The following OTOGL variants were observed in gnomAD, a reference collection of about 807,000 sequenced individuals.
OTOGL encodes the protein otogelin like.
A neutral mutation model predicts 318.5 loss-of-function variants in OTOGL; 285 were observed. That is an observed-to-expected ratio of 0.89 (90% CI 0.81 to 0.99). The LOEUF (loss-of-function observed/expected upper bound fraction) is 0.99, where lower values mean the gene tolerates loss of function less well. Among genes scored for constraint, OTOGL ranks in the 50% least tolerant of loss-of-function variants. The pLI is 0.00. For synonymous variants in OTOGL, 987 were observed against 936.5 expected, an observed-to-expected ratio of 1.05 and a Z score of -0.99; for missense variants, 2,899 against 2,845.6, an observed-to-expected ratio of 1.02 and a Z score of -0.43.
intron 29 of OTOGL, among the ~76,000 whole-genome samples, chr12:80,308,644 G>A (rs1400949057): frequency 5.9e-5 from 9 of 152,166 alleles, no homozygotes; most frequent in African/African-American, 1.9e-4. Flanking sequence ...GTAGCGAGCC[G>A]AGATCAGGCC....
Position 80,266,434 on chromosome 12 carries a change from T to C in OTOGL, c.2225-17T>C, listed in dbSNP as rs1440686714. The C allele has an allele frequency of 6.2e-7, 1 of 1,612,406 alleles. No homozygotes were observed. Among genetic ancestry groups the C allele is most frequent in the Admixed American group, 1.7e-5 (1 of 59,830 alleles). ...TGCCATGGCAATCTTTCTCAAGTGA[T>C]ACTTCTTTGTCCTTAGCTGTGGTGT... On this transcript the variant is annotated splice_polypyrimidine_tract_variant and intron_variant, in intron 20 of 58. Coordinates refer to ENST00000547103, the MANE Select transcript of OTOGL (RefSeq NM_001378609.3).
At chr12:80,120,148 A>G (rs933308920) in intron 1 of OTOGL, among the ~76,000 whole-genome samples, 2 of 151,810 alleles carry the variant, frequency 1.3e-5, no homozygotes, top group Admixed American at 6.6e-5. Context: ...TCACCACAAC[A>G]TTTGGCCAAT....
chr12:80,251,618 G>T, intron 11 of OTOGL, 75 bp from the exon 12 acceptor site: 2 of 1,132,116 alleles, frequency 1.8e-6, no homozygotes, highest in South Asian at 2.9e-5. Context: ...AGCATTTCTA[G>T]GGATCAGGAC....
chr12:80,127,218 C>T (rs1239072892), intron 1 of OTOGL, among the ~76,000 whole-genome samples: 1 of 152,140 alleles, frequency 6.6e-6, no homozygotes, highest in Non-Finnish European at 1.5e-5. Context: ...CCTTCAGGAG[C>T]TCTTTTAGGG....
At position 80,367,574 on chromosome 12, in the gene OTOGL, G is replaced by A. The variant is rs1055930599; in HGVS notation, c.6345G>A (p.Val2115=). 5 of 1,530,478 alleles carry A rather than the reference G, an allele frequency of 3.3e-6. No homozygotes were observed. Among genetic ancestry groups the A allele is most frequent in the Non-Finnish European group, 4.4e-6 (5 of 1,127,250 alleles). 94.8% of individuals were successfully genotyped at this position (1,530,478 alleles called of 1,614,324 possible). A position where few individuals can be genotyped will look rare whatever the true frequency, so the allele number is the denominator to read the frequency against. ...TTCTGTTCTTAGAAAAGGATGATGTGTGTGTATTTCAAGAAGTATCAGTAT... is the reference window on the plus strand; with the variant it reads ...TTCTGTTCTTAGAAAAGGATGATGTATGTGTATTTCAAGAAGTATCAGTAT... The part of the protein sequence containing the change: ...CIQYLCEKDD[V]CVFQEVSVLN... The change falls in exon 54 of 59, where the codon GTG becomes GTA. Residue 2115 remains valine, a synonymous_variant. Coordinates refer to ENST00000547103, the MANE Select transcript of OTOGL (RefSeq NM_001378609.3).
At position 80,356,481 on chromosome 12, in the gene OTOGL, G is replaced by A. The variant is rs1424505604; in HGVS notation, c.5872G>A (p.Gly1958Ser). 2 of 1,611,650 alleles carry A rather than the reference G, an allele frequency of 1.2e-6. No homozygotes were observed. The highest frequency in any genetic ancestry group is 1.1e-5 in the South Asian group (1 of 90,866). ...TACAAATAGTCAAAAATTGATTGTTGGCCACAGTCCTCTTTCTTGCTGTCC... is the reference window on the plus strand; with the variant it reads ...TACAAATAGTCAAAAATTGATTGTTAGCCACAGTCCTCTTTCTTGCTGTCC... The part of the protein sequence containing the change: ...TCTNSQKLIV[G>S]HSPLSCCPQY... The change falls in exon 48 of 59, where the codon GGC (glycine) becomes AGC (serine). Residue 1958 changes from glycine (G) to serine (S), a missense_variant. Physicochemically the swap from Gly to Ser is moderately conservative, Grantham distance 56. Around this residue, in one of 3 missense-constraint regions of OTOGL, gnomAD observed 2,607 missense variants for 2,524.9 expected, o/e 1.03. Coordinates refer to ENST00000547103, the MANE Select transcript of OTOGL (RefSeq NM_001378609.3).
At chr12:80,150,418 C>T (rs1439315909) in intron 1 of OTOGL, among the ~76,000 whole-genome samples, 1 of 152,122 alleles carries the variant, frequency 6.6e-6, no homozygotes, top group South Asian at 2.1e-4. Flanking sequence ...AAAGGAAACT[C>T]CAGAGAGTTA....
intron 19 of OTOGL, 125 bp downstream of exon 19, chr12:80,262,218 A>G (rs1476224710): frequency 1.0e-6 from 1 of 988,770 alleles, no homozygotes; most frequent in Non-Finnish European, 1.3e-6. Context: ...AATCAATGCC[A>G]TTCCTCGTGT....
chr12:80,215,342 T>C (rs1181915378), intron 4 of OTOGL, among the ~76,000 whole-genome samples: 1 of 152,000 alleles, frequency 6.6e-6, no homozygotes, highest in Non-Finnish European at 1.5e-5. Flanking sequence ...ATTTTCTGTA[T>C]TTTTAGTAGA....
chr12:80,136,306 C>A (rs1293780015), intron 1 of OTOGL, among the ~76,000 whole-genome samples: 1 of 152,160 alleles, frequency 6.6e-6, no homozygotes, highest in African/African-American at 2.4e-5. Flanking sequence ...TGTTTCAATT[C>A]TTAGTCCTCA....
chr12:80,322,637 C>T (rs949642326), intron 34 of OTOGL, among the ~76,000 whole-genome samples: 12 of 152,264 alleles, frequency 7.9e-5, no homozygotes, highest in African/African-American at 2.4e-4. Context: ...AAGAGGTTCT[C>T]TTGTTCAGAG....
At chr12:80,356,209 A>G in intron 47 of OTOGL, 2 of 610,628 alleles carry the variant, frequency 3.3e-6, no homozygotes, top group South Asian at 2.1e-5. Context: ...GTGAAAGACA[A>G]TAATAGAAAA....
At position 80,232,880 on chromosome 12, in the gene OTOGL, C is replaced by G. The variant is rs1018796157; in HGVS notation, c.612-12C>G. ...TCATCATTCTTAGATAGCTTTTGTT[C>G]TGTTTTTCAAGTTTAACATTGCCTC... is the stretch of plus-strand genomic sequence containing the variant. On this transcript the variant is annotated splice_polypyrimidine_tract_variant and intron_variant, in intron 8 of 58. Transcript: ENST00000547103. 1.3e-6 allele frequency: 2 copies of G among 1,579,526 alleles called. No homozygotes were observed. Among genetic ancestry groups the G allele is most frequent in the African/African-American group, 2.7e-5 (2 of 74,420 alleles).
At chr12:80,310,262 C>A (rs973363805) in intron 29 of OTOGL, among the ~76,000 whole-genome samples, 7 of 152,048 alleles carry the variant, frequency 4.6e-5, no homozygotes, top group African/African-American at 1.7e-4. Context: ...GTGCATATAA[C>A]CTCTCAGATG....
In OTOGL at chr12:80,238,871, G is replaced by A. The variant is rs200599746; in HGVS notation, c.838G>A (p.Ala280Thr). The change falls in exon 10 of 59, where the codon GCT (alanine) becomes ACT (threonine). Residue 280 changes from alanine to threonine, a missense_variant. Physicochemically the swap from Ala to Thr is moderately conservative, Grantham distance 58. Coordinates refer to ENST00000547103, the MANE Select transcript of OTOGL (RefSeq NM_001378609.3). ...ILQEDYTEDI[A>T]MFANSWSVQT... Reference sequence around the variant, plus strand: ...AATAGAGGACTATACAGAAGACATCGCTATGTTTGCAAATAGTTGGTCGGT... The same window carrying A: ...AATAGAGGACTATACAGAAGACATCACTATGTTTGCAAATAGTTGGTCGGT... 1.2e-4 allele frequency: 193 copies of A among 1,556,640 alleles called. No homozygotes were observed. The highest frequency in any genetic ancestry group is 1.6e-4 in the Non-Finnish European group (183 of 1,156,952).
chr12:80,124,214 ATAAGGTG>A (rs1377846933), intron 1 of OTOGL, among the ~76,000 whole-genome samples: 1 of 152,156 alleles, frequency 6.6e-6, no homozygotes, highest in Non-Finnish European at 1.5e-5. Flanking sequence ...TAATTTTTGT[ATAAGGTG>A]TAAGGAAGGG....
intron 1 of OTOGL, among the ~76,000 whole-genome samples, chr12:80,105,319 G>C (rs980253621): frequency 9.9e-5 from 15 of 152,174 alleles, no homozygotes; most frequent in Non-Finnish European, 1.8e-4. Flanking sequence ...GGTATGGGTA[G>C]AAGGGAACCT....
intron 1 of OTOGL, among the ~76,000 whole-genome samples, chr12:80,136,146 C>A (rs994999473): frequency 1.3e-5 from 2 of 152,108 alleles, no homozygotes; most frequent in Non-Finnish European, 2.9e-5. Flanking sequence ...TCTGGACTTG[C>A]TTTTTTTGTG....
chr12:80,251,821 G>T, intron 12 of OTOGL, 22 bp downstream of exon 12: 1 of 1,545,312 alleles, frequency 6.5e-7, no homozygotes, highest in Non-Finnish European at 8.8e-7. Flanking sequence ...TATTTTCCAA[G>T]CCCTGTGTAC....
Sources: gnomAD v4.1 joint callset for allele counts (sites outside exome capture counted in the v4.1 genomes callset) on GRCh38, gnomAD v4.1.1 for gene constraint, gnomAD v4.1.1 regional missense constraint, MANE v1.5 for transcripts, NCBI Gene and HGNC (gene_info 2026-07-23, HGNC 2026-07-21) for gene names.